XRCC4: variants seen among roughly 807,000 people sequenced by gnomAD.
The protein encoded by XRCC4 is DNA repair protein XRCC4.
Under a neutral mutation model 39.1 loss-of-function variants are expected in XRCC4, and 28 were observed. That is an observed-to-expected ratio of 0.72 (90% CI 0.53 to 0.98). The LOEUF is 0.98. XRCC4 is among the 50% of genes least tolerant of loss of function. The probability of loss-of-function intolerance (pLI) is 0.00; values close to 1 mark genes in which losing one functional copy is unlikely to be tolerated. For synonymous variants in XRCC4, 123 were observed against 126.4 expected (o/e 0.97, Z 0.18); for missense variants, 350 against 376.4 (o/e 0.93, Z 0.58).
At chr5:83,228,403 A>G (rs1752372160) in intron 6 of XRCC4, among the ~76,000 whole-genome samples, 1 of 151,946 alleles carries the variant, frequency 6.6e-6, no homozygotes, top group South Asian at 2.1e-4. Context: ...GTTTCTTTCT[A>G]GGGTCCCACT....
chr5:83,347,303 C>T (rs555944482), intron 7 of XRCC4, among the ~76,000 whole-genome samples: 142 of 152,098 alleles, frequency 9.3e-4, no homozygotes, highest in Non-Finnish European at 1.2e-3. Context: ...CGTCTTTTTT[C>T]ACACTGCTAT....
At chr5:83,270,880 G>T (rs1209512336) in intron 7 of XRCC4, among the ~76,000 whole-genome samples, 1 of 151,554 alleles carries the variant, frequency 6.6e-6, no homozygotes, top group East Asian at 1.9e-4. Flanking sequence ...CTGCCTCCTG[G>T]GTTCAAGCGA....
intron 3 of XRCC4, among the ~76,000 whole-genome samples, chr5:83,193,293 A>G (rs949699560): frequency 1.3e-5 from 2 of 152,184 alleles, no homozygotes; most frequent in African/African-American, 4.8e-5. Context: ...AATTAATCTG[A>G]GTATTTCAAG....
chr5:83,182,552 A>G (rs1045875218), intron 3 of XRCC4, among the ~76,000 whole-genome samples: 5 of 152,204 alleles, frequency 3.3e-5, no homozygotes, highest in Non-Finnish European at 7.3e-5. Flanking sequence ...ATTGTTTTGA[A>G]GATTGTTTTT....
At chr5:83,186,863 C>T (rs1171710630) in intron 3 of XRCC4, among the ~76,000 whole-genome samples, 4 of 152,072 alleles carry the variant, frequency 2.6e-5, no homozygotes, top group Non-Finnish European at 4.4e-5. Context: ...TCTGGAGGCT[C>T]TACAGGAGAA....
In XRCC4 at chr5:83,242,956, T is replaced by C. The variant is rs558513871; in HGVS notation, c.746-15574T>C. ...CTAGGATTCAAAACCAGGTATCATATATAACCAAATCTTAAACTAATTTCT... is the reference window on the plus strand; with the variant it reads ...CTAGGATTCAAAACCAGGTATCATACATAACCAAATCTTAAACTAATTTCT... On this transcript the variant is annotated intron_variant, in intron 6 of 7. Coordinates refer to ENST00000396027, the MANE Select transcript of XRCC4 (RefSeq NM_003401.5). Among the ~76,000 whole-genome samples, 7 of 152,352 alleles carry C rather than the reference T, an allele frequency of 4.6e-5. 2 individuals carry two copies. The highest frequency in any genetic ancestry group is 1.7e-4 in the African/African-American group (7 of 41,588).
intron 7 of XRCC4, 91 bp from the exon 8 acceptor site, chr5:83,353,040 G>C: frequency 9.9e-7 from 1 of 1,010,886 alleles, no homozygotes; most frequent in Non-Finnish European, 1.4e-6. Flanking sequence ...GGATTTAACT[G>C]TCATTTCACT....
At chr5:83,267,122 A>G (rs73136378) in intron 7 of XRCC4, among the ~76,000 whole-genome samples, 7,527 of 152,172 alleles carry the variant, frequency 0.049, 597 homozygotes, top group African/African-American at 0.17. Context: ...ATCCTTTTGG[A>G]GCTATATGGA....
At chr5:83,224,559 A>G (rs1752216509) in intron 6 of XRCC4, among the ~76,000 whole-genome samples, 1 of 152,196 alleles carries the variant, frequency 6.6e-6, no homozygotes, top group Non-Finnish European at 1.5e-5. Context: ...GCGGCACTAT[A>G]GCATTAGAGT....
At chr5:83,153,782 T>A (rs541442437) in intron 3 of XRCC4, among the ~76,000 whole-genome samples, 1 of 152,372 alleles carries the variant, frequency 6.6e-6, no homozygotes, top group South Asian at 2.1e-4. Flanking sequence ...GATATAATCA[T>A]ATTTAAACTT....
intron 3 of XRCC4, among the ~76,000 whole-genome samples, chr5:83,167,911 C>T (rs1749556990): frequency 6.6e-6 from 1 of 151,910 alleles, no homozygotes; most frequent in Non-Finnish European, 1.5e-5. Flanking sequence ...AGATTTATTA[C>T]CATAAAACAT....
chr5:83,083,439 C>T (rs1251166943), intron 1 of XRCC4, among the ~76,000 whole-genome samples: 3 of 148,060 alleles, frequency 2.0e-5, no homozygotes, highest in African/African-American at 7.6e-5. Context: ...TGCAGTGGCA[C>T]AATCTCTACT....
chr5:83,151,845 G>A (rs183240785), intron 3 of XRCC4, among the ~76,000 whole-genome samples: 3 of 152,198 alleles, frequency 2.0e-5, no homozygotes, highest in Admixed American at 1.3e-4. Context: ...TGTGGAAGAA[G>A]GTTTAACTTT....
chr5:83,105,000 A>G lies in XRCC4; in HGVS notation c.81A>G (p.Thr27=), dbSNP rs755499662. 6.2e-6 allele frequency: 10 copies of G among 1,613,656 alleles called. No homozygotes were observed. In the South Asian group the frequency reaches 1.1e-4, roughly 18 times the overall value. ...THFLQVSWEK[T]LESGFVITLT... ...TTCTACAAGTATCTTGGGAGAAAACACTGGAATCTGGTTTTGTTATTACAC... is the reference window on the plus strand; with the variant it reads ...TTCTACAAGTATCTTGGGAGAAAACGCTGGAATCTGGTTTTGTTATTACAC... The change falls in exon 2 of 8, where the codon ACA becomes ACG. Residue 27 remains threonine (T), a synonymous_variant. Coordinates refer to ENST00000396027, the MANE Select transcript of XRCC4 (RefSeq NM_003401.5).
chr5:83,094,860 T>G (rs1745602842), intron 1 of XRCC4, among the ~76,000 whole-genome samples: 1 of 150,970 alleles, frequency 6.6e-6, no homozygotes, highest in Non-Finnish European at 1.5e-5. Context: ...CCATTTAACT[T>G]TTTAATAAGG....
chr5:83,307,078 C>A (rs866057570), intron 7 of XRCC4, among the ~76,000 whole-genome samples: 2 of 152,178 alleles, frequency 1.3e-5, no homozygotes, highest in Admixed American at 1.3e-4. Flanking sequence ...TCTAGCCTCA[C>A]CCTGGCCAAA....
intron 7 of XRCC4, among the ~76,000 whole-genome samples, chr5:83,347,367 A>G (rs1283269758): frequency 6.6e-6 from 1 of 152,190 alleles, no homozygotes; most frequent in East Asian, 1.9e-4. Flanking sequence ...TAATTGGCTC[A>G]CAGTTCTGTA....
chr5:83,137,430 T>C (rs1292855022), intron 3 of XRCC4, among the ~76,000 whole-genome samples: 2 of 152,216 alleles, frequency 1.3e-5, no homozygotes, highest in Non-Finnish European at 2.9e-5. Context: ...TATAGAAATA[T>C]TGTTCAAATT....
At chr5:83,143,748 T>G (rs1483472295) in intron 3 of XRCC4, among the ~76,000 whole-genome samples, 1 of 152,128 alleles carries the variant, frequency 6.6e-6, no homozygotes, top group African/African-American at 2.4e-5. Flanking sequence ...AATGTGTTGT[T>G]TTGTTTTCTC....
Sources: allele counts gnomAD v4.1 joint callset (sites outside exome capture counted in the v4.1 genomes callset), GRCh38; gene constraint gnomAD v4.1.1; transcripts MANE v1.5; gene names NCBI Gene and HGNC (gene_info 2026-07-23, HGNC 2026-07-21).